The following MBD2 variants were observed in gnomAD, a reference collection of about 807,000 sequenced individuals.
MBD2 encodes methyl-CpG binding domain protein 2.
MBD2 carries 9 observed loss-of-function variants against 39.3 expected under a neutral mutation model. That is an observed-to-expected ratio of 0.23 (90% CI 0.14 to 0.40). The LOEUF (loss-of-function observed/expected upper bound fraction) is 0.40, where lower values mean the gene tolerates loss of function less well. Ranked by LOEUF, MBD2 falls within the 10% of genes least tolerant of loss-of-function variation. The pLI is 1.00. For synonymous variants in MBD2, 233 were observed against 211.1 expected (o/e 1.10, Z -0.90); for missense variants, 458 against 532.6 (o/e 0.86, Z 1.38).
intron 3 of MBD2, among the ~76,000 whole-genome samples, chr18:54,173,768 G>A (rs1310590670): frequency 6.6e-6 from 1 of 152,190 alleles, no homozygotes; most frequent in African/African-American, 2.4e-5. Flanking sequence ...TGGAAGACCA[G>A]GGAATGAGGA....
intron 1 of MBD2, among the ~76,000 whole-genome samples, chr18:54,212,382 T>C (rs1053105554): frequency 2.0e-5 from 3 of 152,178 alleles, no homozygotes; most frequent in Admixed American, 1.3e-4. Context: ...AACTGCCTGT[T>C]GGCCTCATTC....
At position 54,154,217 on chromosome 18, in the gene MBD2, C is replaced by T. The variant is rs1051951176; in HGVS notation, c.*1107G>A. Reference sequence around the variant, plus strand: ...TTAAGTATGTTTTGATTTTAGAAATCGTTTAATAATGTAATGCTAGTTTTC... The same window carrying T: ...TTAAGTATGTTTTGATTTTAGAAATTGTTTAATAATGTAATGCTAGTTTTC... On this transcript the variant is annotated 3_prime_UTR_variant, in exon 7 of 7. Transcript: ENST00000256429. The T allele has an allele frequency of 2.0e-5, 3 of 152,088 alleles. No homozygotes were observed. Among genetic ancestry groups the T allele is most frequent in the African/African-American group, 4.8e-5 (2 of 41,404 alleles). The allele number at this position is 152,088 out of a possible 1,614,324, so 9.4% of individuals were successfully genotyped here. A position where few individuals can be genotyped will look rare whatever the true frequency, so the allele number is the denominator to read the frequency against.
chr18:54,222,240 T>C (rs2086620398), intron 1 of MBD2: 1 of 407,466 alleles, frequency 2.5e-6, no homozygotes, highest in Admixed American at 2.9e-5. Context: ...TTGAGAAAAC[T>C]AATCTTTTTT....
At chr18:54,173,973 G>T (rs116843549) in intron 3 of MBD2, among the ~76,000 whole-genome samples, 2,696 of 152,266 alleles carry the variant, frequency 0.018, 36 homozygotes, top group Non-Finnish European at 0.025. Flanking sequence ...AAAGAGCTGT[G>T]AGCTTGTTTC....
At chr18:54,180,650 A>C (rs1390184527) in intron 3 of MBD2, among the ~76,000 whole-genome samples, 3 of 152,154 alleles carry the variant, frequency 2.0e-5, no homozygotes, top group Non-Finnish European at 4.4e-5. Context: ...GAGATATGAT[A>C]AGAATTAAGA....
At chr18:54,199,382 T>C (rs1410765214) in intron 2 of MBD2, among the ~76,000 whole-genome samples, 1 of 152,232 alleles carries the variant, frequency 6.6e-6, no homozygotes, top group East Asian at 1.9e-4. Flanking sequence ...ATTTATTTTC[T>C]GGAAGGTCCT....
At chr18:54,207,308 C>G (rs1203307562) in intron 1 of MBD2, among the ~76,000 whole-genome samples, 3 of 152,210 alleles carry the variant, frequency 2.0e-5, no homozygotes, top group Non-Finnish European at 2.9e-5. Flanking sequence ...GCTATTAAAT[C>G]CTCCAAGCCC....
Position 54,224,051 on chromosome 18 carries a change from A to T in MBD2, c.509T>A (p.Leu170Gln), listed in dbSNP as rs565039472. 3.1e-6 allele frequency: 5 copies of T among 1,601,210 alleles called. No individual in the cohort carries two copies. Among genetic ancestry groups the T allele is most frequent in the Admixed American group, 1.7e-5 (1 of 59,406 alleles). The change falls in exon 1 of 7, where the codon CTA becomes CAA. Residue 170 changes from leucine to glutamine, a missense_variant. Transcript: ENST00000256429. ...KKEEVIRKSG[L>Q]SAGKSDVYYF... ...GTAGACATCGCTCTTGCCAGCACTT[A>T]GCCCAGATTTTCGGATCACTTCCTC... is the stretch of plus-strand genomic sequence containing the variant.
intron 3 of MBD2, among the ~76,000 whole-genome samples, chr18:54,176,283 A>G (rs1301505643): frequency 6.6e-6 from 1 of 152,282 alleles, no homozygotes; most frequent in African/African-American, 2.4e-5. Context: ...AACTCTTTGC[A>G]TATATTTTCA....
chr18:54,158,473 T>C (rs998178639), intron 6 of MBD2, among the ~76,000 whole-genome samples: 1 of 152,050 alleles, frequency 6.6e-6, no homozygotes, highest in Non-Finnish European at 1.5e-5. Context: ...AAGGAAGACA[T>C]GGCCTGCTGA....
chr18:54,219,817 T>C (rs936806294), intron 1 of MBD2, among the ~76,000 whole-genome samples: 6 of 152,216 alleles, frequency 3.9e-5, no homozygotes, highest in Admixed American at 3.3e-4. Context: ...ATATGTATAT[T>C]TGAGACTGTG....
At chr18:54,201,619 T>C (rs2086408257) in intron 2 of MBD2, among the ~76,000 whole-genome samples, 2 of 152,078 alleles carry the variant, frequency 1.3e-5, no homozygotes, top group South Asian at 2.1e-4. Context: ...TCCCAGCACT[T>C]TGGGAGGCCG....
rs566850076 is a variant in MBD2 at position 54,224,374 on chromosome 18, C to G, written c.186G>C (p.Gly62=). 21 of 1,209,718 alleles carry G rather than the reference C, an allele frequency of 1.7e-5. No homozygotes were observed. In the South Asian group the frequency reaches 6.1e-4, roughly 35 times the overall value. The allele number at this position is 1,209,718 out of a possible 1,614,324, so 74.9% of individuals were successfully genotyped here. Residue 62 remains glycine, a synonymous_variant, in exon 1 of 7, where the codon GGG becomes GGC. Transcript: ENST00000256429. ...EGARGGGRGR[G]RWKQAGRGGG... The stretch of plus-strand genomic sequence containing the variant: ...CGCCCCGGCCCGCCTGCTTCCACCG[C>G]CCCCGGCCACGGCCGCCGCCCCGAG...
chr18:54,209,537 T>C (rs1006480380), intron 1 of MBD2, among the ~76,000 whole-genome samples: 2 of 152,194 alleles, frequency 1.3e-5, no homozygotes, highest in Non-Finnish European at 2.9e-5. Context: ...GCTACAAGTA[T>C]CTATCATATA....
rs1014949251 is a variant in MBD2, at chr18:54,212,265, C to T, written c.543-7108G>A. Among the ~76,000 whole-genome samples the T allele has an allele frequency of 2.6e-5, 4 of 152,114 alleles. No individual in the cohort carries two copies. In the East Asian group the frequency reaches 7.7e-4, roughly 29 times the overall value. On this transcript the variant is annotated intron_variant, in intron 1 of 6. Coordinates refer to ENST00000256429, the MANE Select transcript of MBD2 (RefSeq NM_003927.5). ...CAAGAGCCCAGAAATACCAATCCAC[C>T]TTATATACTACCTCTTCCACAAAGC...
At chr18:54,222,484 CT>C in intron 1 of MBD2, 1 of 375,656 alleles carries the variant, frequency 2.7e-6, no homozygotes, top group South Asian at 2.0e-5. Context: ...CACACTTTTT[CT>C]TTTTTTTCTT....
chr18:54,206,032 ACACT>A (rs1369403089), intron 1 of MBD2, among the ~76,000 whole-genome samples: 5 of 152,162 alleles, frequency 3.3e-5, no homozygotes, highest in Admixed American at 6.5e-5. Context: ...TGGGCTCATA[ACACT>A]CACAATAAAA....
At chr18:54,163,438 A>C (rs2086110364) in intron 5 of MBD2, among the ~76,000 whole-genome samples, 3 of 152,196 alleles carry the variant, frequency 2.0e-5, no homozygotes, top group African/African-American at 7.2e-5. Context: ...ATATACTATA[A>C]TATAATATAA....
intron 2 of MBD2, 42 bp downstream of exon 2, chr18:54,204,949 TGAAGAGC>T: frequency 6.4e-7 from 1 of 1,562,588 alleles, no homozygotes. Context: ...AGATACTTTT[TGAAGAGC>T]TTTCGAAGTA....
Sources: allele counts gnomAD v4.1 joint callset (sites outside exome capture counted in the v4.1 genomes callset), GRCh38; gene constraint gnomAD v4.1.1; transcripts MANE v1.5; gene names NCBI Gene and HGNC (gene_info 2026-07-23, HGNC 2026-07-21).